OR2Z1: variants seen among roughly 807,000 people sequenced by gnomAD.
The protein encoded by OR2Z1 is olfactory receptor family 2 subfamily Z member 1.
For synonymous variants in OR2Z1, 188 were observed against 160.6 expected, an observed-to-expected ratio of 1.17 and a Z score of -1.29; for missense variants, 449 against 401.8, an observed-to-expected ratio of 1.12 and a Z score of -1.00.
At chr19:8,730,753 A>C in intron 2 of OR2Z1, 107 bp from the exon 3 acceptor site, 1 of 490,870 alleles carries the variant, frequency 2.0e-6, no homozygotes, top group East Asian at 3.7e-5. Flanking sequence ...AGCAGTGGGT[A>C]GCTCTTCATT....
intron 2 of OR2Z1, among the ~76,000 whole-genome samples, chr19:8,729,395 T>C (rs548983644): frequency 1.9e-4 from 29 of 149,848 alleles, no homozygotes; most frequent in African/African-American, 7.1e-4. Context: ...TGCGTCCATG[T>C]CACTGCAATG....
Position 8,725,606 on chromosome 19 carries a change from T to A in OR2Z1, c.-170+2456T>A, listed in dbSNP as rs1288057676. Among the ~76,000 whole-genome samples, 3 of 152,176 alleles carry A rather than the reference T, an allele frequency of 2.0e-5. No individual in the cohort carries two copies. In the East Asian group the frequency reaches 5.8e-4, roughly 29 times the overall value. Reference sequence around the variant, plus strand: ...TACCAATGAGGCACTCCATTCCATTTTTGGTTAGATTTCACTGTTAGAAAG... The same window carrying A: ...TACCAATGAGGCACTCCATTCCATTATTGGTTAGATTTCACTGTTAGAAAG... On this transcript the variant is annotated intron_variant, in intron 2 of 2. Coordinates refer to ENST00000641125, the MANE Select transcript of OR2Z1 (RefSeq NM_001004699.3).
rs1289966373 is a variant in OR2Z1 at position 8,725,244 on chromosome 19, T to C, written c.-170+2094T>C. Among the ~76,000 whole-genome samples, 3 of 152,172 alleles carry C rather than the reference T, an allele frequency of 2.0e-5. 1 individual carries two copies. The highest frequency in any genetic ancestry group is 1.3e-4 in the Admixed American group (2 of 15,282). ...GTCTAACTCCCATACATCTTTGTTTTTCTTTTAATTTTTTTTGTGTTGGAG... is the reference window on the plus strand; with the variant it reads ...GTCTAACTCCCATACATCTTTGTTTCTCTTTTAATTTTTTTTGTGTTGGAG... On this transcript the variant is annotated intron_variant, in intron 2 of 2. Coordinates refer to ENST00000641125, the MANE Select transcript of OR2Z1 (RefSeq NM_001004699.3).
intron 2 of OR2Z1, among the ~76,000 whole-genome samples, chr19:8,726,720 G>A (rs1555756215): frequency 6.6e-6 from 1 of 152,144 alleles, no homozygotes; most frequent in Non-Finnish European, 1.5e-5. Flanking sequence ...TGGATGAATG[G>A]TAGAGAGGAG....
chr19:8,731,887 C>A lies in OR2Z1; in HGVS notation c.859C>A (p.Pro287Thr), dbSNP rs782360199. Residue 287 changes from proline (P) to threonine (T), a missense_variant, in exon 3 of 3, where the codon CCC becomes ACC. Transcript: ENST00000641125. The part of the protein sequence containing the change: ...FYSLVTPTLN[P>T]LIYSLRNPEV... ...TAGCCTTGTCACCCCTACACTCAAC[C>A]CCCTTATCTACAGTCTGAGGAATCC... The A allele has an allele frequency of 5.0e-6, 8 of 1,614,208 alleles. No individual in the cohort carries two copies. The highest frequency in any genetic ancestry group is 6.8e-6 in the Non-Finnish European group (8 of 1,180,028).
intron 2 of OR2Z1, among the ~76,000 whole-genome samples, chr19:8,724,691 A>G (rs1294354709): frequency 6.6e-6 from 1 of 152,102 alleles, no homozygotes; most frequent in Non-Finnish European, 1.5e-5. Context: ...GGGGTTGATG[A>G]AAGACAGATG....
chr19:8,726,491 C>T (rs1380908348), intron 2 of OR2Z1, among the ~76,000 whole-genome samples: 1 of 152,190 alleles, frequency 6.6e-6, no homozygotes, highest in Admixed American at 6.5e-5. Context: ...CTTCCCTGAC[C>T]ACGTCTTGTA....
chr19:8,727,504 T>C (rs1260858216), intron 2 of OR2Z1, among the ~76,000 whole-genome samples: 1 of 152,168 alleles, frequency 6.6e-6, no homozygotes, highest in Non-Finnish European at 1.5e-5. Flanking sequence ...TGTATACATA[T>C]GTAACAAACC....
At position 8,731,718 on chromosome 19, in the gene OR2Z1, A is replaced by T. The variant is rs915212254; in HGVS notation, c.690A>T (p.Ser230=). The change falls in exon 3 of 3, where the codon TCA becomes TCT. Residue 230 remains serine (S), a synonymous_variant. Transcript: ENST00000641125. ...TGCAGGCTGTTCTAAGCATGCGCTCAGAGGAGGCCAGACACAAGGCTGTCA... is the reference window on the plus strand; with the variant it reads ...TGCAGGCTGTTCTAAGCATGCGCTCTGAGGAGGCCAGACACAAGGCTGTCA... The part of the protein sequence containing the change: ...HVLQAVLSMR[S]EEARHKAVTT... The T allele has an allele frequency of 6.2e-7, 1 of 1,614,144 alleles. No homozygotes were observed. The highest frequency in any genetic ancestry group is 8.5e-7 in the Non-Finnish European group (1 of 1,180,034).
chr19:8,726,480 G>T (rs1330303029), intron 2 of OR2Z1, among the ~76,000 whole-genome samples: 2 of 152,202 alleles, frequency 1.3e-5, no homozygotes, highest in Non-Finnish European at 2.9e-5. Flanking sequence ...GTCTCAAGAG[G>T]CTTCCCTGAC....
At position 8,730,887 on chromosome 19, in the gene OR2Z1, A is replaced by C; in HGVS notation, c.-142A>C. On this transcript the variant is annotated 5_prime_UTR_variant, in exon 3 of 3. Coordinates refer to ENST00000641125, the MANE Select transcript of OR2Z1 (RefSeq NM_001004699.3). ...TACTGATTCTAGCTGCAGCCTCATT[A>C]CTCTTCTCAAGACACCATCCCAGGA... The C allele has an allele frequency of 1.6e-6, 1 of 639,356 alleles. No homozygotes were observed. Among genetic ancestry groups the C allele is most frequent in the South Asian group, 1.9e-5 (1 of 51,530 alleles). 39.6% of individuals were successfully genotyped at this position (639,356 alleles called of 1,614,324 possible). A position where few individuals can be genotyped will look rare whatever the true frequency, so the allele number is the denominator to read the frequency against.
chr19:8,728,564 A>G (rs1346049821), intron 2 of OR2Z1, among the ~76,000 whole-genome samples: 1 of 152,090 alleles, frequency 6.6e-6, no homozygotes, highest in Non-Finnish European at 1.5e-5. Flanking sequence ...CTTCTGTTAA[A>G]TACGTTTGGG....
intron 2 of OR2Z1, chr19:8,729,098 T>C (rs1599209186): frequency 1.6e-5 from 20 of 1,248,094 alleles, no homozygotes; most frequent in East Asian, 2.4e-5. Flanking sequence ...ATCTTTTTTT[T>C]AGTGGCTGTG....
intron 2 of OR2Z1, chr19:8,728,727 G>A (rs1283960259): frequency 3.4e-6 from 2 of 581,088 alleles, no homozygotes; most frequent in Non-Finnish European, 6.6e-6. Flanking sequence ...TAGCCAGCTG[G>A]ACTCAGTTTA....
intron 2 of OR2Z1, among the ~76,000 whole-genome samples, chr19:8,726,359 C>G (rs1230626340): frequency 6.6e-6 from 1 of 152,178 alleles, no homozygotes; most frequent in African/African-American, 2.4e-5. Context: ...GAAGCCACCT[C>G]CATGATCCAA....
intron 1 of OR2Z1, among the ~76,000 whole-genome samples, chr19:8,722,400 T>G (rs1375133289): frequency 6.6e-6 from 1 of 152,094 alleles, no homozygotes; most frequent in Non-Finnish European, 1.5e-5. Context: ...GATGTGAGTT[T>G]TATTGGCAAC....
intron 2 of OR2Z1, among the ~76,000 whole-genome samples, chr19:8,727,969 G>T (rs931611465): frequency 6.6e-6 from 1 of 152,216 alleles, no homozygotes; most frequent in Admixed American, 6.5e-5. Context: ...ATGAGAAATA[G>T]AATCTTATTT....
intron 2 of OR2Z1, chr19:8,729,021 C>T (rs1053091033): frequency 1.7e-5 from 16 of 918,234 alleles, no homozygotes; most frequent in Admixed American, 3.5e-5. Context: ...GGTGCTCTTT[C>T]GAGGATATTT....
chr19:8,728,443 G>A (rs1405581843), intron 2 of OR2Z1, among the ~76,000 whole-genome samples: 4 of 152,162 alleles, frequency 2.6e-5, no homozygotes, highest in Non-Finnish European at 4.4e-5. Context: ...GAAGCCACCA[G>A]TAATAGCTGA....
Sources: allele counts gnomAD v4.1 joint callset (sites outside exome capture counted in the v4.1 genomes callset), GRCh38; gene constraint gnomAD v4.1.1; transcripts MANE v1.5; gene names NCBI Gene and HGNC (gene_info 2026-07-23, HGNC 2026-07-21).